Variants in GALNTL6 observed in about 807,000 individuals in gnomAD.
GALNTL6 encodes the protein polypeptide N-acetylgalactosaminyltransferase-like 6.
GALNTL6 carries 46 observed loss-of-function variants against 73.7 expected under a neutral mutation model. The ratio of observed to expected loss-of-function variants is 0.62; its 90% CI spans 0.49 to 0.80. The LOEUF (loss-of-function observed/expected upper bound fraction) is 0.80, where lower values mean the gene tolerates loss of function less well. Among genes scored for constraint, GALNTL6 ranks in the 30% least tolerant of loss-of-function variants. The pLI is 0.00. For missense variants in GALNTL6, 604 were observed against 755.0 expected (o/e 0.80, Z 2.34); for synonymous variants, 259 against 263.7 (o/e 0.98, Z 0.17).
At chr4:172,160,954 T>A (rs1734444916) in intron 2 of GALNTL6, among the ~76,000 whole-genome samples, 1 of 150,812 alleles carries the variant, frequency 6.6e-6, no homozygotes, top group Non-Finnish European at 1.5e-5. Flanking sequence ...ATATATATAA[T>A]GCCTTAATGC....
chr4:171,932,551 G>C (rs1011646120), intron 2 of GALNTL6, among the ~76,000 whole-genome samples: 2 of 152,214 alleles, frequency 1.3e-5, no homozygotes, highest in African/African-American at 4.8e-5. Flanking sequence ...TGTCTAGACA[G>C]CAGAGGCTCT....
At chr4:172,177,656 A>C (rs574514297) in intron 2 of GALNTL6, among the ~76,000 whole-genome samples, 16 of 151,466 alleles carry the variant, frequency 1.1e-4, no homozygotes. Flanking sequence ...ATTCTCAACC[A>C]TACATAAATA....
At chr4:171,951,339 T>C (rs1738870564) in intron 2 of GALNTL6, among the ~76,000 whole-genome samples, 1 of 152,082 alleles carries the variant, frequency 6.6e-6, no homozygotes, top group Non-Finnish European at 1.5e-5. Context: ...AGTATTATAA[T>C]GCTTATAAAT....
chr4:172,172,859 G>A (rs1053380464), intron 2 of GALNTL6, among the ~76,000 whole-genome samples: 3 of 152,124 alleles, frequency 2.0e-5, no homozygotes, highest in East Asian at 3.9e-4. Flanking sequence ...TTACTAATCC[G>A]CAGTCTTTGT....
intron 3 of GALNTL6, among the ~76,000 whole-genome samples, chr4:172,284,360 T>G (rs1400847860): frequency 6.6e-6 from 1 of 152,140 alleles, no homozygotes; most frequent in Non-Finnish European, 1.5e-5. Flanking sequence ...AGTCTTAGTT[T>G]TAGTGTATCC....
chr4:172,486,774 T>C (rs2111493062), intron 5 of GALNTL6, among the ~76,000 whole-genome samples: 1 of 152,334 alleles, frequency 6.6e-6, no homozygotes, highest in African/African-American at 2.4e-5. Flanking sequence ...GCTGAAATGC[T>C]CTTATGCATA....
At position 172,590,741 on chromosome 4, in the gene GALNTL6, C is replaced by T. The variant is rs117870335; in HGVS notation, c.554-218620C>T. Among the ~76,000 whole-genome samples, 41 of 152,228 alleles carry T rather than the reference C, an allele frequency of 2.7e-4. No individual in the cohort carries two copies. In the East Asian group the frequency reaches 7.5e-3, roughly 28 times the overall value. Reference sequence around the variant, plus strand: ...AAAGAGTAAATGCCTGGAAATGTGGCTTCTGAAATGCAAATGAAGAGCTAC... The same window carrying T: ...AAAGAGTAAATGCCTGGAAATGTGGTTTCTGAAATGCAAATGAAGAGCTAC... On this transcript the variant is annotated intron_variant, in intron 5 of 12. Coordinates refer to ENST00000506823, the MANE Select transcript of GALNTL6 (RefSeq NM_001034845.3).
intron 2 of GALNTL6, among the ~76,000 whole-genome samples, chr4:172,177,762 T>C (rs1205184602): frequency 1.4e-5 from 2 of 142,316 alleles, no homozygotes; most frequent in African/African-American, 2.8e-5. Context: ...TATGTGTGTA[T>C]ATATATGTAC....
rs566738676 is a variant in GALNTL6 at position 172,085,060 on chromosome 4, A to C, written c.139-144596A>C. Among the ~76,000 whole-genome samples the C allele has an allele frequency of 9.8e-5, 15 of 152,348 alleles. 1 individual carries two copies. The South Asian group carries it at 2.9e-3, about 29-fold the overall frequency. ...ATTTCTATTAGAAAATTATAATAGA[A>C]TATATTGTAAGCAAAAAATAATACA... is the stretch of plus-strand genomic sequence containing the variant. On this transcript the variant is annotated intron_variant, in intron 2 of 12. Transcript: ENST00000506823.
intron 5 of GALNTL6, among the ~76,000 whole-genome samples, chr4:172,456,487 CAGTTT>C (rs1197713514): frequency 5.9e-5 from 9 of 151,332 alleles, no homozygotes; most frequent in Non-Finnish European, 7.4e-5. Flanking sequence ...TTAGAATAAC[CAGTTT>C]AGAGAAGAAC....
At chr4:172,274,604 A>T (rs1738766007) in intron 3 of GALNTL6, among the ~76,000 whole-genome samples, 1 of 152,170 alleles carries the variant, frequency 6.6e-6, no homozygotes, top group Admixed American at 6.6e-5. Flanking sequence ...ATGGAGAATA[A>T]AATGATTGAA....
At chr4:172,065,890 C>G (rs1468254442) in intron 2 of GALNTL6, among the ~76,000 whole-genome samples, 1 of 152,144 alleles carries the variant, frequency 6.6e-6, no homozygotes, top group Non-Finnish European at 1.5e-5. Flanking sequence ...AGAACTCACT[C>G]ACTATCGTGA....
chr4:171,895,236 A>C lies in GALNTL6; in HGVS notation c.138+80518A>C, dbSNP rs185987024. On this transcript the variant is annotated intron_variant, in intron 2 of 12. Transcript: ENST00000506823. ...CTTCTGTGGTGTCCATGTTCAGAAG[A>C]GGAGTTATATTTGCGTTCACTCTTT... Among the ~76,000 whole-genome samples, 18 of 152,290 alleles carry C rather than the reference A, an allele frequency of 1.2e-4. 1 individual carries two copies. The highest frequency in any genetic ancestry group is 7.2e-4 in the Admixed American group (11 of 15,290).
At chr4:172,621,005 A>G (rs1218973120) in intron 5 of GALNTL6, among the ~76,000 whole-genome samples, 3 of 152,194 alleles carry the variant, frequency 2.0e-5, no homozygotes, top group African/African-American at 7.2e-5. Flanking sequence ...CCTAGCATTA[A>G]TAAGATGCCC....
chr4:172,884,858 A>G (rs1023495721), intron 8 of GALNTL6, among the ~76,000 whole-genome samples: 1 of 152,178 alleles, frequency 6.6e-6, no homozygotes, highest in Non-Finnish European at 1.5e-5. Flanking sequence ...TTTTCCCAGC[A>G]TCATTTATTG....
chr4:172,868,283 A>G lies in GALNTL6; in HGVS notation c.924-14507A>G, dbSNP rs185341707. Among the ~76,000 whole-genome samples, 275 of 152,184 alleles carry G rather than the reference A, an allele frequency of 1.8e-3. 1 individual carries two copies. The highest frequency in any genetic ancestry group is 3.3e-3 in the Non-Finnish European group (223 of 68,030). ...TTAGAGCTAATACCATCCAGCTTAA[A>G]TGGAGACCCTGCCTCCACATAAATC... On this transcript the variant is annotated intron_variant, in intron 7 of 12. Coordinates refer to ENST00000506823, the MANE Select transcript of GALNTL6 (RefSeq NM_001034845.3).
chr4:171,987,551 T>A (rs185425258), intron 2 of GALNTL6, among the ~76,000 whole-genome samples: 1,933 of 152,280 alleles, frequency 0.013, 43 homozygotes, highest in African/African-American at 0.044. Flanking sequence ...AATTTGCCAG[T>A]CCTGGGCGGG....
At chr4:171,877,732 G>A (rs1432941749) in intron 2 of GALNTL6, among the ~76,000 whole-genome samples, 1 of 152,158 alleles carries the variant, frequency 6.6e-6, no homozygotes, top group Non-Finnish European at 1.5e-5. Context: ...AAACGGAACT[G>A]CTTGACCTCT....
chr4:172,517,283 C>T (rs902413657), intron 5 of GALNTL6, among the ~76,000 whole-genome samples: 2 of 151,590 alleles, frequency 1.3e-5, no homozygotes, highest in African/African-American at 4.8e-5. Context: ...GGTAGTGGCT[C>T]ACAAGAAATA....
Sources: allele counts gnomAD v4.1 joint callset (sites outside exome capture counted in the v4.1 genomes callset), GRCh38; gene constraint gnomAD v4.1.1; transcripts MANE v1.5; gene names NCBI Gene and HGNC (gene_info 2026-07-23, HGNC 2026-07-21).